Variants in AGAP1 observed in about 807,000 individuals in gnomAD.
The protein encoded by AGAP1 is ArfGAP with GTPase domain, ankyrin repeat and PH domain 1, also known as arf-GAP with GTPase, ANK repeat and PH domain-containing protein 1.
AGAP1 carries 29 observed loss-of-function variants against 105.3 expected under a neutral mutation model. The observed-to-expected ratio is 0.28, with a 90% CI of 0.21 to 0.38. The LOEUF (loss-of-function observed/expected upper bound fraction) is 0.38, where lower values mean the gene tolerates loss of function less well. Ranked by LOEUF, AGAP1 falls within the 10% of genes least tolerant of loss-of-function variation. The pLI, the probability that AGAP1 is intolerant of heterozygous loss-of-function variation, is 1.00. For synonymous variants in AGAP1, 509 were observed against 485.9 expected (o/e 1.05, Z -0.63); for missense variants, 998 against 1,165.1 (o/e 0.86, Z 2.09).
intron 6 of AGAP1, among the ~76,000 whole-genome samples, chr2:235,779,973 A>G (rs952472932): frequency 2.0e-5 from 3 of 152,204 alleles, no homozygotes; most frequent in African/African-American, 7.2e-5. Context: ...AATAGCCTCT[A>G]TTCCATTAAA....
intron 12 of AGAP1, among the ~76,000 whole-genome samples, chr2:235,945,821 G>C (rs746424654): frequency 8.2e-6 from 1 of 121,734 alleles, no homozygotes; most frequent in Non-Finnish European, 1.5e-5. Context: ...CTTGGCTTCC[G>C]GGGGGGTGCC....
intron 1 of AGAP1, among the ~76,000 whole-genome samples, chr2:235,515,914 G>A (rs1037444627): frequency 6.6e-6 from 1 of 152,186 alleles, no homozygotes; most frequent in Non-Finnish European, 1.5e-5. Flanking sequence ...CAGCAACAGC[G>A]ACTTAAGGGC....
chr2:235,771,997 A>ACTTTTTTT (rs377170250), intron 6 of AGAP1, among the ~76,000 whole-genome samples: 2 of 131,666 alleles, frequency 1.5e-5, no homozygotes, highest in Non-Finnish European at 1.6e-5. Context: ...TTCTTTTCTT[A>ACTTTTTTT]TCTTTTTTTT....
At position 236,020,903 on chromosome 2, in the gene AGAP1, C is replaced by T. The variant is rs1204862145; in HGVS notation, c.1646-15658C>T. Among the ~76,000 whole-genome samples the T allele has an allele frequency of 2.0e-5, 3 of 152,260 alleles. No homozygotes were observed. In the East Asian group the frequency reaches 5.8e-4, roughly 29 times the overall value. On this transcript the variant is annotated intron_variant, in intron 13 of 17. Coordinates refer to ENST00000304032, the MANE Select transcript of AGAP1 (RefSeq NM_001037131.3). This position sits in a 1 kb window ranked among gnomAD's most constrained non-coding sequence, Gnocchi z 5.0. ...CAGGTAGGCCGGGCACAGTGGCTCA[C>T]ACCTATAATCCCAGCACTTTGGGAG... is the stretch of plus-strand genomic sequence containing the variant.
chr2:235,667,522 G>C (rs1269198766), intron 1 of AGAP1, among the ~76,000 whole-genome samples: 1 of 152,142 alleles, frequency 6.6e-6, no homozygotes, highest in Non-Finnish European at 1.5e-5. Flanking sequence ...GAGGAGCTGT[G>C]TAGCCCTGGG....
intron 16 of AGAP1, among the ~76,000 whole-genome samples, chr2:236,117,722 G>A (rs2059804773): frequency 6.6e-6 from 1 of 152,190 alleles, no homozygotes; most frequent in Admixed American, 6.5e-5. Flanking sequence ...TCATTTAATT[G>A]ACGTTTTGCT....
At chr2:235,984,732 C>T (rs113220566) in intron 13 of AGAP1, among the ~76,000 whole-genome samples, 2,974 of 151,984 alleles carry the variant, frequency 0.02, 87 homozygotes, top group African/African-American at 0.068. Flanking sequence ...GTTAGTTCGC[C>T]GAGGAAGATG....
chr2:235,906,277 T>G lies in AGAP1; in HGVS notation c.1156-2461T>G, dbSNP rs35540160. 2.6e-3 allele frequency among the ~76,000 whole-genome samples: 393 copies of G among 152,330 alleles called. 3 individuals carry two copies. Among genetic ancestry groups the G allele is most frequent in the Middle Eastern group, 0.01 (3 of 294 alleles). On this transcript the variant is annotated intron_variant, in intron 10 of 17. Transcript: ENST00000304032. This position sits in a 1 kb window ranked among gnomAD's most constrained non-coding sequence, Gnocchi z 5.3. Reference sequence around the variant, plus strand: ...AGCCTGTCTGTCCTTTGCCGGGGAATGCCCGGCCTTGCCCCTGCCTCTGAA... The same window carrying G: ...AGCCTGTCTGTCCTTTGCCGGGGAAGGCCCGGCCTTGCCCCTGCCTCTGAA...
At chr2:235,791,331 T>TA (rs762965985) in intron 6 of AGAP1, among the ~76,000 whole-genome samples, 2 of 152,210 alleles carry the variant, frequency 1.3e-5, no homozygotes, top group Non-Finnish European at 2.9e-5. Flanking sequence ...ACTGGAAGAT[T>TA]ACAGCCGGTA....
chr2:235,917,154 TCTC>T (rs1473991145), intron 11 of AGAP1, among the ~76,000 whole-genome samples: 6 of 152,108 alleles, frequency 3.9e-5, no homozygotes, highest in Non-Finnish European at 5.9e-5. Context: ...CCTTTCCCCT[TCTC>T]CTCTACATCC....
In AGAP1 at chr2:235,608,800, G is replaced by T. The variant is rs946238827; in HGVS notation, c.164-100379G>T. 6.6e-6 allele frequency among the ~76,000 whole-genome samples: 1 copy of T among 152,190 alleles called. No homozygotes were observed. Among genetic ancestry groups the T allele is most frequent in the Non-Finnish European group, 1.5e-5 (1 of 68,042 alleles). On this transcript the variant is annotated intron_variant, in intron 1 of 17. Transcript: ENST00000304032. This position sits in a 1 kb window ranked among gnomAD's most constrained non-coding sequence, Gnocchi z 5.4. ...TGATGGCAGGTCTTGAGGTCAGTCTGTCAGAGGCCTGGGAGATCAGGGGAC... is the reference window on the plus strand; with the variant it reads ...TGATGGCAGGTCTTGAGGTCAGTCTTTCAGAGGCCTGGGAGATCAGGGGAC...
rs1402278065 is a variant in AGAP1, at chr2:235,877,927, C to T, written c.1051-5418C>T. On this transcript the variant is annotated intron_variant, in intron 9 of 17. Transcript: ENST00000304032. The surrounding 1 kb of genome is among the most constrained non-coding windows in gnomAD (Gnocchi z 4.3). ...CAGGGGAATCTTTCCTAATGCAAAT[C>T]AGATAACCCCTTCCTCCCTCCACCC... 6.6e-6 allele frequency among the ~76,000 whole-genome samples: 1 copy of T among 152,202 alleles called. No homozygotes were observed. Among genetic ancestry groups the T allele is most frequent in the Non-Finnish European group, 1.5e-5 (1 of 68,042 alleles).
chr2:236,025,914 GGATGGA>G (rs2057037282), intron 13 of AGAP1, among the ~76,000 whole-genome samples: 2 of 139,238 alleles, frequency 1.4e-5, no homozygotes, highest in African/African-American at 2.7e-5. Context: ...GTGGGTGGAT[GGATGGA>G]TGGATGGATG....
rs563164018 is a variant in AGAP1 at position 235,700,181 on chromosome 2, T to C, written c.164-8998T>C. Among the ~76,000 whole-genome samples, 34 of 152,330 alleles carry C rather than the reference T, an allele frequency of 2.2e-4. No homozygotes were observed. The highest frequency in any genetic ancestry group is 4.6e-4 in the Non-Finnish European group (31 of 68,038). On this transcript the variant is annotated intron_variant, in intron 1 of 17. Transcript: ENST00000304032. The surrounding 1 kb of genome is among the most constrained non-coding windows in gnomAD (Gnocchi z 6.1). ...TTCAGGACTATGAAGTTATTATTTA[T>C]GCATTAAATATTCCGAAGCAGCCTC...
At chr2:235,673,331 C>T (rs1384178484) in intron 1 of AGAP1, among the ~76,000 whole-genome samples, 1 of 152,152 alleles carries the variant, frequency 6.6e-6, no homozygotes, top group Non-Finnish European at 1.5e-5. Flanking sequence ...TCTAAGGTAA[C>T]AGTCAGATAC....
Position 235,741,231 on chromosome 2 carries a change from C to A in AGAP1, c.396+183C>A, listed in dbSNP as rs1952563261. On this transcript the variant is annotated intron_variant, in intron 4 of 17. Transcript: ENST00000304032. This position sits in a 1 kb window ranked among gnomAD's most constrained non-coding sequence, Gnocchi z 4.9. ...AAGCTAATTCTTTTTTTATTTTTTT[C>A]CCAGACTAAATCCTGCAGGGAAGTT... Among the ~76,000 whole-genome samples the A allele has an allele frequency of 1.3e-5, 2 of 151,790 alleles. No individual in the cohort carries two copies. The highest frequency in any genetic ancestry group is 4.8e-5 in the African/African-American group (2 of 41,344).
At position 235,747,664 on chromosome 2, in the gene AGAP1, G is replaced by A. The variant is rs1953071217; in HGVS notation, c.539-2690G>A. On this transcript the variant is annotated intron_variant, in intron 5 of 17. Transcript: ENST00000304032. The surrounding 1 kb of genome is among the most constrained non-coding windows in gnomAD (Gnocchi z 5.0). ...CTGATGGCAGGAAGCTGGCATGCAC[G>A]TGGGCTCTGAGGGTCCCTGCCGCGA... Among the ~76,000 whole-genome samples, 2 of 152,232 alleles carry A rather than the reference G, an allele frequency of 1.3e-5. No homozygotes were observed. The highest frequency in any genetic ancestry group is 2.4e-5 in the African/African-American group (1 of 41,468).
At chr2:235,647,883 C>T (rs1947444732) in intron 1 of AGAP1, among the ~76,000 whole-genome samples, 1 of 152,022 alleles carries the variant, frequency 6.6e-6, no homozygotes, top group Non-Finnish European at 1.5e-5. Context: ...TTACTGTAGA[C>T]CATCACACCG....
intron 13 of AGAP1, among the ~76,000 whole-genome samples, chr2:235,972,438 C>T (rs542112740): frequency 1.3e-5 from 2 of 152,244 alleles, no homozygotes; most frequent in East Asian, 3.9e-4. Flanking sequence ...GCTGGTTCGC[C>T]GAGGAGTCTT....
Sources: gnomAD v4.1 joint callset for allele counts (sites outside exome capture counted in the v4.1 genomes callset) on GRCh38, gnomAD v4.1.1 for gene constraint, Gnocchi (gnomAD v3.1) non-coding constraint, MANE v1.5 for transcripts, NCBI Gene and HGNC (gene_info 2026-07-23, HGNC 2026-07-21) for gene names.